RANBP9: variants seen among roughly 807,000 people sequenced by gnomAD.
The protein encoded by RANBP9 is RAN binding protein 9.
Under a neutral mutation model 84.3 loss-of-function variants are expected in RANBP9, and 15 were observed. The observed-to-expected ratio is 0.18, with a 90% CI of 0.12 to 0.27. The LOEUF (loss-of-function observed/expected upper bound fraction) is 0.27. Among genes scored for constraint, RANBP9 ranks in the 10% least tolerant of loss-of-function variants. The pLI, the probability that RANBP9 is intolerant of heterozygous loss-of-function variation, is 1.00. For synonymous variants in RANBP9, 392 were observed against 349.6 expected (o/e 1.12, Z -1.35); for missense variants, 809 against 912.8 (o/e 0.89, Z 1.46).
At chr6:13,702,604 C>T (rs892277958) in intron 1 of RANBP9, among the ~76,000 whole-genome samples, 9 of 152,102 alleles carry the variant, frequency 5.9e-5, no homozygotes, top group Non-Finnish European at 8.8e-5. Flanking sequence ...TAACACAATA[C>T]TTTCCAAAGG....
intron 12 of RANBP9, among the ~76,000 whole-genome samples, chr6:13,629,921 C>CTCTCTCGTGT (rs1554221305): frequency 7.8e-6 from 1 of 128,342 alleles, no homozygotes; most frequent in Admixed American, 7.7e-5. Flanking sequence ...CTCTCTCTCT[C>CTCTCTCGTGT]GTGTGTGTGT....
chr6:13,648,711 T>G (rs1267906939), intron 5 of RANBP9, among the ~76,000 whole-genome samples: 1 of 152,200 alleles, frequency 6.6e-6, no homozygotes, highest in African/African-American at 2.4e-5. Flanking sequence ...TTCGATCTCT[T>G]TTAATAAAAA....
intron 9 of RANBP9, 41 bp from the exon 10 acceptor site, chr6:13,637,996 A>C (rs769442393): frequency 1.3e-6 from 2 of 1,536,526 alleles, no homozygotes; most frequent in Admixed American, 4.0e-5. Context: ...AACAAACACT[A>C]ATTTATTAAT....
intron 12 of RANBP9, among the ~76,000 whole-genome samples, chr6:13,629,012 T>C (rs144914657): frequency 3.0e-3 from 461 of 152,320 alleles, no homozygotes; most frequent in African/African-American, 0.01. Flanking sequence ...GATACATGTA[T>C]AAAGATTTCA....
rs185339389 is a variant in RANBP9 at position 13,641,142 on chromosome 6, A to T, written c.1334+57T>A. 4.2e-5 allele frequency: 46 copies of T among 1,108,104 alleles called. 1 individual carries two copies. The highest frequency in any genetic ancestry group is 5.6e-5 in the Non-Finnish European group (45 of 807,830). 68.6% of individuals were successfully genotyped at this position (1,108,104 alleles called of 1,614,324 possible). On this transcript the variant is annotated intron_variant, in intron 8 of 13. Coordinates refer to ENST00000011619, the MANE Select transcript of RANBP9 (RefSeq NM_005493.3). ...AGCACGAAAATGTCTTTTATTACAT[A>T]ACTTGACAAATATTTATAATATATA... is the stretch of plus-strand genomic sequence containing the variant.
intron 2 of RANBP9, among the ~76,000 whole-genome samples, chr6:13,673,849 G>A (rs766667528): frequency 6.6e-5 from 10 of 152,238 alleles, no homozygotes; most frequent in East Asian, 1.9e-4. Flanking sequence ...TCAGAAGGCC[G>A]AGGCAGGAGG....
intron 2 of RANBP9, among the ~76,000 whole-genome samples, chr6:13,667,241 T>C (rs1562311287): frequency 6.6e-6 from 1 of 152,332 alleles, no homozygotes; most frequent in Non-Finnish European, 1.5e-5. Context: ...CTATTATTGA[T>C]AGGCTTAAGC....
At chr6:13,660,769 CAA>C (rs1765523376) in intron 2 of RANBP9, among the ~76,000 whole-genome samples, 1 of 152,150 alleles carries the variant, frequency 6.6e-6, no homozygotes, top group African/African-American at 2.4e-5. Context: ...CCAAGTGAGA[CAA>C]GAGTGACAAA....
intron 13 of RANBP9, among the ~76,000 whole-genome samples, chr6:13,625,183 C>A (rs534591590): frequency 6.6e-6 from 1 of 152,158 alleles, no homozygotes; most frequent in African/African-American, 2.4e-5. Context: ...AATTATTAAT[C>A]TATGTTCTTA....
chr6:13,634,517 T>C lies in RANBP9; in HGVS notation c.1709A>G (p.Asn570Ser), dbSNP rs777067966. The change falls in exon 11 of 14, where the codon AAT becomes AGT. Residue 570 changes from asparagine to serine, a missense_variant. By Grantham distance (46) the Asn-to-Ser change is conservative. Around this residue, in one of 5 missense-constraint regions of RANBP9, gnomAD observed 233 missense variants for 234.4 expected, o/e 0.99. Transcript: ENST00000011619. ...ATTGGATGAAGTTTCTCCAACTCCATTGGAGTAGTGATCTGTTTCCATGTC... is the reference window on the plus strand; with the variant it reads ...ATTGGATGAAGTTTCTCCAACTCCACTGGAGTAGTGATCTGTTTCCATGTC... ...DVDMETDHYS[N>S]GVGETSSNGF... 2.9e-5 allele frequency: 46 copies of C among 1,613,208 alleles called. No homozygotes were observed. The highest frequency in any genetic ancestry group is 3.4e-5 in the Non-Finnish European group (40 of 1,179,452).
chr6:13,634,700 A>G (rs1172174477), intron 10 of RANBP9, 148 bp from the exon 11 acceptor site: 14 of 850,480 alleles, frequency 1.6e-5, no homozygotes, highest in African/African-American at 3.4e-5. Flanking sequence ...TTAAATCTTG[A>G]ACGTATTCAA....
At chr6:13,710,856 G>A (rs980113703) in intron 1 of RANBP9, 79 bp downstream of exon 1, 1 of 1,437,094 alleles carries the variant, frequency 7.0e-7, no homozygotes, top group Non-Finnish European at 9.4e-7. Flanking sequence ...GGGGTCGGGG[G>A]CGGGTCGAGA....
rs767259145 is a variant in RANBP9, at chr6:13,711,455, C to CTGCTGCTGT, written c.42_50dup (p.Gln16_Gln18dup). On this transcript the variant is annotated inframe_insertion, in exon 1 of 14. Transcript: ENST00000011619. The stretch of plus-strand genomic sequence containing the variant: ...CCGCCGGCGGTGGCGGCGACAGCTG[C>CTGCTGCTGT]TGCTGCTGTTGCTGCTGCTGCGGCG... 69 of 1,228,300 alleles carry CTGCTGCTGT rather than the reference C, an allele frequency of 5.6e-5. No homozygotes were observed. The highest frequency in any genetic ancestry group is 6.6e-5 in the Non-Finnish European group (65 of 984,624). 76.1% of individuals were successfully genotyped at this position (1,228,300 alleles called of 1,614,324 possible).
intron 2 of RANBP9, among the ~76,000 whole-genome samples, chr6:13,660,846 C>G (rs767611021): frequency 6.6e-6 from 1 of 152,142 alleles, no homozygotes; most frequent in Non-Finnish European, 1.5e-5. Context: ...TTTGATTCAG[C>G]CCCTTTGCTA....
In RANBP9 at chr6:13,700,715, A is replaced by T. The variant is rs759036353; in HGVS notation, c.572-3819T>A. ...GCTAACTTCCACTCTAACTTCAATCATTCCTTCTTGAAGAAGCAAAAGCTC... is the reference window on the plus strand; with the variant it reads ...GCTAACTTCCACTCTAACTTCAATCTTTCCTTCTTGAAGAAGCAAAAGCTC... On this transcript the variant is annotated intron_variant, in intron 1 of 13. Coordinates refer to ENST00000011619, the MANE Select transcript of RANBP9 (RefSeq NM_005493.3). 6.1e-4 allele frequency among the ~76,000 whole-genome samples: 93 copies of T among 152,138 alleles called. 1 individual carries two copies. Among genetic ancestry groups the T allele is most frequent in the Non-Finnish European group, 2.1e-4 (14 of 68,030 alleles).
chr6:13,654,715 A>G (rs1765362960), intron 4 of RANBP9, among the ~76,000 whole-genome samples: 1 of 152,198 alleles, frequency 6.6e-6, no homozygotes, highest in Non-Finnish European at 1.5e-5. Flanking sequence ...ACCATAAACA[A>G]TATTTAAGTA....
At chr6:13,702,066 T>C (rs1000968169) in intron 1 of RANBP9, among the ~76,000 whole-genome samples, 2 of 152,248 alleles carry the variant, frequency 1.3e-5, no homozygotes, top group African/African-American at 4.8e-5. Context: ...TGTACACTTT[T>C]CACAAATTCT....
intron 1 of RANBP9, among the ~76,000 whole-genome samples, chr6:13,704,959 T>C (rs1023565801): frequency 5.9e-5 from 9 of 152,208 alleles, no homozygotes; most frequent in South Asian, 2.1e-4. Context: ...CTCTATTTTA[T>C]GTCCTCTGAG....
At chr6:13,633,830 C>T (rs1486635279) in intron 11 of RANBP9, among the ~76,000 whole-genome samples, 2 of 152,134 alleles carry the variant, frequency 1.3e-5, no homozygotes, top group Non-Finnish European at 2.9e-5. Context: ...TTTTCACTCT[C>T]CATTTGATGG....
Sources: gnomAD v4.1 joint callset for allele counts (sites outside exome capture counted in the v4.1 genomes callset) on GRCh38, gnomAD v4.1.1 for gene constraint, gnomAD v4.1.1 regional missense constraint, MANE v1.5 for transcripts, NCBI Gene and HGNC (gene_info 2026-07-23, HGNC 2026-07-21) for gene names.